The following CDKL5 variants were observed in gnomAD, a reference collection of about 807,000 sequenced individuals.
CDKL5 encodes cyclin dependent kinase like 5.
In CDKL5, 8 loss-of-function variants were observed where a neutral mutation model predicts 61.7. The ratio of observed to expected loss-of-function variants is 0.13; its 90% CI spans 0.08 to 0.23. The LOEUF is 0.23. CDKL5 is among the 10% of genes least tolerant of loss of function. The pLI, the probability that CDKL5 is intolerant of heterozygous loss-of-function variation, is 1.00. For missense variants in CDKL5, 440 were observed against 734.5 expected (o/e 0.60, Z 4.63); for synonymous variants, 275 against 272.3 (o/e 1.01, Z -0.10).
At chrX:18,449,505 G>GC (rs1162873121) in intron 1 of CDKL5, among the ~76,000 whole-genome samples, 2 of 111,278 alleles carry the variant, frequency 1.8e-5, no homozygotes, top group African/African-American at 6.5e-5. Context: ...CCCCCCTGCC[G>GC]CCCCCCAGAA....
At chrX:18,479,312 T>G (rs1344845372) in intron 1 of CDKL5, among the ~76,000 whole-genome samples, 1 of 106,668 alleles carries the variant, frequency 9.4e-6, no homozygotes, top group Non-Finnish European at 1.9e-5. Flanking sequence ...CAGCCACTAT[T>G]TCTTTTTTTT....
chrX:18,653,480 G>A lies in CDKL5; in HGVS notation c.3029G>A (p.Arg1010Lys), dbSNP rs1018524335. ...GTTATGAGGGAAGCCCTGATTCACAGGGCCCAGGTAAACCAAGCTGCGCTC... is the reference window on the plus strand; with the variant it reads ...GTTATGAGGGAAGCCCTGATTCACAAGGCCCAGGTAAACCAAGCTGCGCTC... Residue 1010 changes from arginine (R) to lysine (K), a missense_variant, in exon 22 of 22, where the codon AGG becomes AAG. Transcript: ENST00000379989. The A allele has an allele frequency of 8.3e-7, 1 of 1,209,819 alleles. No homozygotes were observed. Among genetic ancestry groups the A allele is most frequent in the African/African-American group, 1.8e-5 (1 of 57,122 alleles).
At position 18,631,491 on chromosome X, in the gene CDKL5, C is replaced by T; in HGVS notation, c.*2734C>T. The T allele has an allele frequency of 4.0e-6, 3 of 754,233 alleles. No homozygotes were observed. The highest frequency in any genetic ancestry group is 3.1e-6 in the Non-Finnish European group (2 of 639,281). The allele number at this position is 754,233 out of a possible 1,213,427, so 62.2% of individuals were successfully genotyped here. On this transcript the variant is annotated 3_prime_UTR_variant, in exon 18 of 18. Transcript: ENST00000623535. Reference sequence around the variant, plus strand: ...CTTAGCTTTTAACTGTTGTTTTCCCCTGTTGATGAAAAATTACTGACATCA... The same window carrying T: ...CTTAGCTTTTAACTGTTGTTTTCCCTTGTTGATGAAAAATTACTGACATCA...
At chrX:18,578,533 G>A (rs904737001) in intron 5 of CDKL5, among the ~76,000 whole-genome samples, 2 of 112,052 alleles carry the variant, frequency 1.8e-5, no homozygotes, top group African/African-American at 3.2e-5. Flanking sequence ...TTATCTATTA[G>A]TGTTTCTCAT....
chrX:18,621,247 G>C (rs1384386479), intron 16 of CDKL5, among the ~76,000 whole-genome samples: 1 of 111,801 alleles, frequency 8.9e-6, no homozygotes, highest in Non-Finnish European at 1.9e-5. Context: ...AGATTAGGTA[G>C]ATGTTCATAG....
At chrX:18,650,562 G>A in exon 21 of CDKL5, 2 of 1,212,208 alleles carry the variant, frequency 1.6e-6, no homozygotes, top group Non-Finnish European at 2.2e-6. Flanking sequence ...CCGAGGCACT[G>A]ATGCTTTCAG....
At chrX:18,564,967 A>C (rs1045817748) in intron 4 of CDKL5, among the ~76,000 whole-genome samples, 2 of 111,892 alleles carry the variant, frequency 1.8e-5, no homozygotes, top group African/African-American at 6.5e-5. Flanking sequence ...CAGAGTTAGA[A>C]ATACAAGGAT....
Position 18,632,367 on chromosome X carries a change from T to C in CDKL5, c.*3610T>C. On this transcript the variant is annotated 3_prime_UTR_variant, in exon 18 of 18. Coordinates refer to ENST00000623535, the MANE Select transcript of CDKL5 (RefSeq NM_001323289.2). The stretch of plus-strand genomic sequence containing the variant: ...GTTAGCATCCTTAGAAAATCTTTCA[T>C]AGAGCCATGAGGCTTATATTTAGAA... The C allele has an allele frequency of 1.3e-6, 1 of 754,256 alleles. No individual in the cohort carries two copies. The highest frequency in any genetic ancestry group is 1.6e-6 in the Non-Finnish European group (1 of 639,221). The allele number at this position is 754,256 out of a possible 1,213,427, so 62.2% of individuals were successfully genotyped here.
At position 18,631,604 on chromosome X, in the gene CDKL5, TG is replaced by T; in HGVS notation, c.*2848del. The T allele has an allele frequency of 1.3e-6, 1 of 754,568 alleles. No homozygotes were observed. Among genetic ancestry groups the T allele is most frequent in the Non-Finnish European group, 1.6e-6 (1 of 639,329 alleles). 62.2% of individuals were successfully genotyped at this position (754,568 alleles called of 1,213,427 possible). A position where few individuals can be genotyped will look rare whatever the true frequency, so the allele number is the denominator to read the frequency against. Reference sequence around the variant, plus strand: ...TAGGAAGGGGAATTCATGACATCCATGTCCTATTATCGGCCGTAACTTCCTA... The same window carrying T: ...TAGGAAGGGGAATTCATGACATCCATTCCTATTATCGGCCGTAACTTCCTA... On this transcript the variant is annotated 3_prime_UTR_variant, in exon 18 of 18. Coordinates refer to ENST00000623535, the MANE Select transcript of CDKL5 (RefSeq NM_001323289.2).
At chrX:18,454,580 G>A (rs998041713) in intron 1 of CDKL5, among the ~76,000 whole-genome samples, 33 of 109,483 alleles carry the variant, frequency 3.0e-4, no homozygotes, top group African/African-American at 1.1e-3. Flanking sequence ...TGTTTGAGGC[G>A]GAGTCTTGCT....
chrX:18,573,301 T>A (rs1925191760), intron 4 of CDKL5, among the ~76,000 whole-genome samples: 1 of 111,798 alleles, frequency 8.9e-6, no homozygotes, highest in Non-Finnish European at 1.9e-5. Flanking sequence ...ATTCTGTTTC[T>A]TAGAGATAGA....
intron 4 of CDKL5, among the ~76,000 whole-genome samples, chrX:18,567,390 T>C (rs17320935): frequency 0.053 from 5,988 of 111,997 alleles, 359 homozygotes; most frequent in East Asian, 0.19. Flanking sequence ...TCATTTGATA[T>C]TATGGCAGTG....
chrX:18,498,879 C>T (rs927809582), intron 1 of CDKL5, among the ~76,000 whole-genome samples: 1 of 111,343 alleles, frequency 9.0e-6, no homozygotes, highest in East Asian at 2.8e-4. Flanking sequence ...CTGTGATTCT[C>T]GTGCCTCAGC....
At chrX:18,505,708 A>G (rs945979690) in intron 1 of CDKL5, among the ~76,000 whole-genome samples, 4 of 112,380 alleles carry the variant, frequency 3.6e-5, no homozygotes, top group African/African-American at 9.7e-5. Context: ...GGGGCATATA[A>G]TGTTGGTTTG....
intron 1 of CDKL5, among the ~76,000 whole-genome samples, chrX:18,467,813 G>A (rs908785027): frequency 1.8e-5 from 2 of 112,077 alleles, no homozygotes; most frequent in African/African-American, 3.2e-5. Flanking sequence ...TTAAGGGAGT[G>A]GGCAAGCAAA....
Position 18,629,807 on chromosome X carries a change from CAG to C in CDKL5, c.*1051_*1052del, listed in dbSNP as rs1927183798. On this transcript the variant is annotated 3_prime_UTR_variant, in exon 18 of 18. Coordinates refer to ENST00000623535, the MANE Select transcript of CDKL5 (RefSeq NM_001323289.2). ...TGTGTCCAGGGACGTTACTTGCACA[CAG>C]GGGAGAATAGATTGAGGCGTTACTC... 37 of 752,699 alleles carry C rather than the reference CAG, an allele frequency of 4.9e-5. No individual in the cohort carries two copies. The highest frequency in any genetic ancestry group is 5.6e-5 in the Non-Finnish European group (36 of 638,966). The allele number at this position is 752,699 out of a possible 1,213,427, so 62.0% of individuals were successfully genotyped here.
chrX:18,549,988 A>C (rs1355931043), intron 3 of CDKL5, among the ~76,000 whole-genome samples: 1 of 111,455 alleles, frequency 9.0e-6, no homozygotes. Context: ...GTTACTTCAC[A>C]CTCCAGGTAG....
intron 1 of CDKL5, among the ~76,000 whole-genome samples, chrX:18,466,016 C>T (rs1007333399): frequency 1.8e-5 from 2 of 111,474 alleles, no homozygotes; most frequent in Non-Finnish European, 3.8e-5. Context: ...TTTTGTATCC[C>T]TCAGCTTTGA....
At chrX:18,551,359 C>G (rs959199600) in intron 3 of CDKL5, among the ~76,000 whole-genome samples, 13 of 109,103 alleles carry the variant, frequency 1.2e-4, no homozygotes, top group Non-Finnish European at 2.1e-4. Context: ...CAGCCAGCGT[C>G]CCTTCAGGCT....
Sources: allele counts gnomAD v4.1 joint callset (sites outside exome capture counted in the v4.1 genomes callset), GRCh38; gene constraint gnomAD v4.1.1; transcripts MANE v1.5; gene names NCBI Gene and HGNC (gene_info 2026-07-23, HGNC 2026-07-21).